The following DLGAP1 variants were observed in gnomAD, a reference collection of about 807,000 sequenced individuals.
The protein encoded by DLGAP1 is disks large-associated protein 1.
A neutral mutation model predicts 90.8 loss-of-function variants in DLGAP1; 11 were observed. The observed-to-expected ratio is 0.12, with a 90% CI of 0.08 to 0.20. The LOEUF (loss-of-function observed/expected upper bound fraction) is 0.20. Among genes scored for constraint, DLGAP1 ranks in the 10% least tolerant of loss-of-function variants. DLGAP1 has a pLI of 1.00. For missense variants in DLGAP1, 1,050 were observed against 1,333.8 expected (o/e 0.79, Z 3.31); for synonymous variants, 558 against 540.7 (o/e 1.03, Z -0.44).
intron 2 of DLGAP1, among the ~76,000 whole-genome samples, chr18:4,011,137 T>C (rs1246676582): frequency 7.0e-6 from 1 of 143,402 alleles, no homozygotes; most frequent in African/African-American, 2.6e-5. Flanking sequence ...GATGGCGTCA[T>C]TGCACTCTAG....
intron 4 of DLGAP1, among the ~76,000 whole-genome samples, chr18:3,824,910 C>T (rs949502347): frequency 6.6e-6 from 1 of 152,268 alleles, no homozygotes; most frequent in Admixed American, 6.5e-5. Flanking sequence ...TTCTTGAGAT[C>T]GGGAAAATAA....
At chr18:3,837,597 C>T (rs2068460626) in intron 4 of DLGAP1, among the ~76,000 whole-genome samples, 1 of 152,084 alleles carries the variant, frequency 6.6e-6, no homozygotes, top group Non-Finnish European at 1.5e-5. Context: ...GCCTGTAATT[C>T]TAGCACTTCG....
intron 1 of DLGAP1, among the ~76,000 whole-genome samples, chr18:4,245,717 G>A (rs1294726461): frequency 6.6e-6 from 1 of 152,172 alleles, no homozygotes; most frequent in Non-Finnish European, 1.5e-5. Context: ...AGAAGCATTA[G>A]GCTTCTTTTT....
chr18:3,939,062 G>C (rs539820572), intron 3 of DLGAP1, among the ~76,000 whole-genome samples: 12 of 152,238 alleles, frequency 7.9e-5, no homozygotes, highest in Non-Finnish European at 1.2e-4. Context: ...TGGCAGAAGT[G>C]TATTATTGAA....
At chr18:3,912,042 G>A (rs1265078791) in intron 3 of DLGAP1, among the ~76,000 whole-genome samples, 1 of 152,198 alleles carries the variant, frequency 6.6e-6, no homozygotes, top group Non-Finnish European at 1.5e-5. Context: ...GCTGATATGT[G>A]CTGAAGTTTT....
chr18:4,203,766 C>T (rs1024104117), intron 1 of DLGAP1, among the ~76,000 whole-genome samples: 37 of 152,088 alleles, frequency 2.4e-4, no homozygotes, highest in Non-Finnish European at 3.7e-4. Context: ...TTTGGAAGTT[C>T]ATAGGTCAGT....
At chr18:3,985,588 T>C (rs1162488227) in intron 3 of DLGAP1, among the ~76,000 whole-genome samples, 1 of 151,804 alleles carries the variant, frequency 6.6e-6, no homozygotes, top group East Asian at 1.9e-4. Flanking sequence ...AATGAAGAGA[T>C]ATATACTTCC....
intron 3 of DLGAP1, among the ~76,000 whole-genome samples, chr18:3,883,195 G>C (rs933600204): frequency 2.6e-5 from 4 of 152,232 alleles, no homozygotes; most frequent in Non-Finnish European, 5.9e-5. Flanking sequence ...GGCAAGCCGA[G>C]ATCGTGCCAC....
intron 3 of DLGAP1, among the ~76,000 whole-genome samples, chr18:3,932,160 A>G (rs377563311): frequency 1.3e-5 from 2 of 152,286 alleles, no homozygotes; most frequent in South Asian, 2.1e-4. Flanking sequence ...GGTTAAATCC[A>G]AAGCATGTCA....
At chr18:3,948,558 G>C (rs1404132609) in intron 3 of DLGAP1, among the ~76,000 whole-genome samples, 3 of 152,176 alleles carry the variant, frequency 2.0e-5, no homozygotes, top group African/African-American at 7.2e-5. Context: ...CTAGGTTGGT[G>C]AAAGTCTATT....
chr18:3,649,298 G>A (rs1408380514), intron 7 of DLGAP1, among the ~76,000 whole-genome samples: 1 of 152,198 alleles, frequency 6.6e-6, no homozygotes, highest in Non-Finnish European at 1.5e-5. Flanking sequence ...ACTCCAAACT[G>A]GGGCTGTGAC....
chr18:3,648,936 T>A (rs1270612451), intron 7 of DLGAP1, among the ~76,000 whole-genome samples: 2 of 152,192 alleles, frequency 1.3e-5, no homozygotes, highest in African/African-American at 4.8e-5. Context: ...CACACTGTCT[T>A]CTGGGTTATG....
Position 3,662,043 on chromosome 18 carries a change from C to T in DLGAP1, c.1591+67092G>A, listed in dbSNP as rs180825722. ...ATAGAAAATATACCCAAGGAACCCA[C>T]GGATTTTAGTAAGAAAACTTCTAGG... is the stretch of plus-strand genomic sequence containing the variant. On this transcript the variant is annotated intron_variant, in intron 7 of 12. Transcript: ENST00000315677. Among the ~76,000 whole-genome samples the T allele has an allele frequency of 1.4e-4, 22 of 152,034 alleles. 1 individual carries two copies. The highest frequency in any genetic ancestry group is 4.1e-4 in the South Asian group (2 of 4,822).
chr18:3,947,371 C>T (rs529358144), intron 3 of DLGAP1, among the ~76,000 whole-genome samples: 1 of 152,322 alleles, frequency 6.6e-6, no homozygotes, highest in South Asian at 2.1e-4. Flanking sequence ...TCTGGCTTAT[C>T]TCTTCCAAAA....
chr18:3,541,019 A>C (rs2052662956), intron 9 of DLGAP1, among the ~76,000 whole-genome samples: 1 of 152,092 alleles, frequency 6.6e-6, no homozygotes, highest in Non-Finnish European at 1.5e-5. Context: ...ACATCCTTGA[A>C]CTGAATGTGC....
At chr18:4,009,738 TG>T (rs1042167572) in intron 2 of DLGAP1, among the ~76,000 whole-genome samples, 1 of 152,030 alleles carries the variant, frequency 6.6e-6, no homozygotes, top group Non-Finnish European at 1.5e-5. Context: ...ATGGTAGGGA[TG>T]GGTTTGTTTA....
intron 3 of DLGAP1, 41 bp from the exon 4 acceptor site, chr18:3,880,181 C>A: frequency 1.0e-6 from 1 of 984,910 alleles, no homozygotes; most frequent in Non-Finnish European, 1.5e-6. Flanking sequence ...TAACATTTCT[C>A]TTGGAAATTA....
At chr18:3,980,622 A>G (rs1302547223) in intron 3 of DLGAP1, among the ~76,000 whole-genome samples, 4 of 152,196 alleles carry the variant, frequency 2.6e-5, no homozygotes, top group Admixed American at 2.0e-4. Flanking sequence ...CCGGAAAGGA[A>G]AAAAACCAAA....
At chr18:4,157,101 A>T (rs1424499847) in intron 1 of DLGAP1, among the ~76,000 whole-genome samples, 3 of 152,008 alleles carry the variant, frequency 2.0e-5, no homozygotes, top group Non-Finnish European at 4.4e-5. Flanking sequence ...AGACGGGGAC[A>T]TGTCTTGTCT....
Sources: gnomAD v4.1 joint callset for allele counts (sites outside exome capture counted in the v4.1 genomes callset) on GRCh38, gnomAD v4.1.1 for gene constraint, MANE v1.5 for transcripts, NCBI Gene and HGNC (gene_info 2026-07-23, HGNC 2026-07-21) for gene names.